GABRA3: variants seen among roughly 807,000 people sequenced by gnomAD.
The protein encoded by GABRA3 is gamma-aminobutyric acid type A receptor subunit alpha3, also known as gamma-aminobutyric acid receptor subunit alpha-3.
A neutral mutation model predicts 30.1 loss-of-function variants in GABRA3; 10 were observed. That is an observed-to-expected ratio of 0.33 (90% CI 0.20 to 0.56). The LOEUF (loss-of-function observed/expected upper bound fraction) is 0.56. GABRA3 is among the 20% of genes least tolerant of loss of function. The pLI is 0.89. For missense variants in GABRA3, 233 were observed against 392.0 expected (o/e 0.59, Z 3.42); for synonymous variants, 151 against 146.8 (o/e 1.03, Z -0.21).
chrX:152,230,413 C>T (rs759451581), intron 5 of GABRA3, among the ~76,000 whole-genome samples: 1 of 111,135 alleles, frequency 9.0e-6, no homozygotes, highest in East Asian at 2.8e-4. Flanking sequence ...CTCCAAATTG[C>T]TCTATATATT....
chrX:152,309,681 G>A lies in GABRA3; in HGVS notation c.263-24946C>T, dbSNP rs149452624. 9.3e-3 allele frequency among the ~76,000 whole-genome samples: 1,042 copies of A among 111,463 alleles called. 19 individuals are homozygous for A. The highest frequency in any genetic ancestry group is 0.032 in the African/African-American group (989 of 30,732). The stretch of plus-strand genomic sequence containing the variant: ...GAAACAAAAGACTGGTATCTGCCAC[G>A]ACAAAAACACATTCAGGTACATAGA... On this transcript the variant is annotated intron_variant, in intron 3 of 9. Transcript: ENST00000370314.
chrX:152,238,603 G>A (rs1458720659), intron 5 of GABRA3, among the ~76,000 whole-genome samples: 2 of 108,238 alleles, frequency 1.8e-5, no homozygotes, highest in African/African-American at 3.4e-5. Flanking sequence ...GTAGAATTCA[G>A]CTGTGAATCC....
At chrX:152,445,285 C>T (rs1278403201) in intron 1 of GABRA3, among the ~76,000 whole-genome samples, 10 of 109,934 alleles carry the variant, frequency 9.1e-5, no homozygotes, top group Admixed American at 7.8e-4. Context: ...ATACATCTTC[C>T]CCCCAGGAAG....
At chrX:152,168,676 G>A in intron 9 of GABRA3, 113 bp from the exon 10 acceptor site, 2 of 539,858 alleles carry the variant, frequency 3.7e-6, no homozygotes, top group Non-Finnish European at 6.2e-6. Context: ...GGGAAGTTAA[G>A]GCACAGGGGC....
chrX:152,274,551 A>G (rs1939007246), intron 4 of GABRA3, among the ~76,000 whole-genome samples: 2 of 111,742 alleles, frequency 1.8e-5, no homozygotes, highest in Admixed American at 1.9e-4. Context: ...ACACTAAAAA[A>G]ATTTCAAGAA....
intron 4 of GABRA3, among the ~76,000 whole-genome samples, chrX:152,264,598 A>G (rs2086660492): frequency 9.0e-6 from 1 of 111,479 alleles, no homozygotes; most frequent in Admixed American, 9.6e-5. Context: ...AGACCACAAA[A>G]CAACTAGAAA....
chrX:152,290,446 T>C (rs1207054738), intron 3 of GABRA3, among the ~76,000 whole-genome samples: 1 of 111,969 alleles, frequency 8.9e-6, no homozygotes, highest in East Asian at 2.8e-4. Context: ...GCAAAAATTT[T>C]CTCCCATTCT....
chrX:152,391,982 T>C (rs1929498261), intron 1 of GABRA3, among the ~76,000 whole-genome samples: 1 of 112,012 alleles, frequency 8.9e-6, no homozygotes, highest in Non-Finnish European at 1.9e-5. Flanking sequence ...CTCACAACTC[T>C]ATGAGGTATT....
rs763149442 is a variant in GABRA3 at position 152,183,391 on chromosome X, AAC to A, written c.1143+6337_1143+6338del. On this transcript the variant is annotated intron_variant, in intron 9 of 9. Coordinates refer to ENST00000370314, the MANE Select transcript of GABRA3 (RefSeq NM_000808.4). ...TTATGATTCTTTGTTTTTCTGTGATAACAGTTGTTAACATCTCCTGTTTCATT... is the reference window on the plus strand; with the variant it reads ...TTATGATTCTTTGTTTTTCTGTGATAAGTTGTTAACATCTCCTGTTTCATT... Among the ~76,000 whole-genome samples the A allele has an allele frequency of 2.5e-3, 276 of 110,749 alleles. 1 individual carries two copies. Among genetic ancestry groups the A allele is most frequent in the African/African-American group, 8.5e-3 (259 of 30,594 alleles).
At chrX:152,192,452 G>A (rs780321015) in intron 8 of GABRA3, among the ~76,000 whole-genome samples, 1 of 111,664 alleles carries the variant, frequency 9.0e-6, no homozygotes, top group Admixed American at 9.6e-5. Context: ...CTCAGGCACA[G>A]CCAAGTAGCC....
At chrX:152,451,073 G>T (rs906498149) in intron 1 of GABRA3, 73 bp downstream of exon 1, 4 of 112,397 alleles carry the variant, frequency 3.6e-5, no homozygotes, top group African/African-American at 1.3e-4. Context: ...CTCTCAGTAC[G>T]GGGGAGAGAT....
In GABRA3 at chrX:152,308,572, C is replaced by T. The variant is rs142557963; in HGVS notation, c.263-23837G>A. On this transcript the variant is annotated intron_variant, in intron 3 of 9. Coordinates refer to ENST00000370314, the MANE Select transcript of GABRA3 (RefSeq NM_000808.4). ...TACCTGAAATCATCCAGAAATGAAG[C>T]CAGTTGACTGAATCCAACCTATAGC... Among the ~76,000 whole-genome samples the T allele has an allele frequency of 5.4e-3, 600 of 112,020 alleles. 3 individuals carry two copies. Among genetic ancestry groups the T allele is most frequent in the Non-Finnish European group, 6.7e-3 (355 of 53,186 alleles).
chrX:152,213,253 C>T (rs1482250463), intron 6 of GABRA3, among the ~76,000 whole-genome samples: 1 of 111,768 alleles, frequency 8.9e-6, no homozygotes, highest in Non-Finnish European at 1.9e-5. Flanking sequence ...TTGATTTAAT[C>T]AGTTACCCGT....
At chrX:152,418,773 C>A (rs1172612043) in intron 1 of GABRA3, among the ~76,000 whole-genome samples, 12 of 111,632 alleles carry the variant, frequency 1.1e-4, no homozygotes, top group Non-Finnish European at 2.1e-4. Context: ...CCATTTGACC[C>A]AGCCATCCCA....
At chrX:152,169,852 T>G (rs951265556) in intron 9 of GABRA3, among the ~76,000 whole-genome samples, 16 of 111,631 alleles carry the variant, frequency 1.4e-4, no homozygotes, top group Admixed American at 5.7e-4. Flanking sequence ...TCTTTGTGTG[T>G]TTCTCTATTT....
intron 3 of GABRA3, among the ~76,000 whole-genome samples, chrX:152,320,121 T>C (rs1481206364): frequency 9.0e-6 from 1 of 111,530 alleles, no homozygotes; most frequent in African/African-American, 3.3e-5. Flanking sequence ...ACACTGCTGG[T>C]GGGAATATAA....
intron 7 of GABRA3, among the ~76,000 whole-genome samples, chrX:152,203,820 C>T (rs1275558992): frequency 9.0e-6 from 1 of 111,553 alleles, no homozygotes; most frequent in Non-Finnish European, 1.9e-5. Flanking sequence ...TTACATTATG[C>T]CCACTTGAAT....
intron 1 of GABRA3, among the ~76,000 whole-genome samples, chrX:152,407,139 T>C (rs1310513643): frequency 9.0e-6 from 1 of 110,910 alleles, no homozygotes; most frequent in Non-Finnish European, 1.9e-5. Flanking sequence ...GTAGAAAAGC[T>C]ACAAATAAAT....
At chrX:152,329,516 A>G (rs1012811758) in intron 3 of GABRA3, among the ~76,000 whole-genome samples, 15 of 111,914 alleles carry the variant, frequency 1.3e-4, no homozygotes, top group Non-Finnish European at 2.3e-4. Context: ...CCAACGGATC[A>G]GAACACAGCC....
Sources: allele counts gnomAD v4.1 joint callset (sites outside exome capture counted in the v4.1 genomes callset), GRCh38; gene constraint gnomAD v4.1.1; transcripts MANE v1.5; gene names NCBI Gene and HGNC (gene_info 2026-07-23, HGNC 2026-07-21).